The following REXO1 variants were observed in gnomAD, a reference collection of about 807,000 sequenced individuals.
REXO1 encodes RNA exonuclease 1 homolog.
REXO1 carries 42 observed loss-of-function variants against 102.6 expected under a neutral mutation model. That is an observed-to-expected ratio of 0.41 (90% confidence interval 0.32 to 0.53). REXO1 has a LOEUF of 0.53. Ranked by LOEUF, REXO1 falls within the 20% of genes least tolerant of loss-of-function variation. The pLI is 0.27. For synonymous variants in REXO1, 908 were observed against 779.1 expected, an observed-to-expected ratio of 1.17 and a Z score of -2.76; for missense variants, 1,819 against 1,732.5, an observed-to-expected ratio of 1.05 and a Z score of -0.89.
Position 1,828,283 on chromosome 19 carries a change from G to C in REXO1, c.506C>G (p.Pro169Arg). 6.2e-7 allele frequency: 1 copy of C among 1,607,074 alleles called. No individual in the cohort carries two copies. The highest frequency in any genetic ancestry group is 8.5e-7 in the Non-Finnish European group (1 of 1,176,774). Residue 169 changes from proline (P) to arginine (R), a missense_variant, in exon 2 of 16, where the codon CCA becomes CGA. Transcript: ENST00000170168. ...GCCCGGCTCGGCAGGGGCGGCCAGTGGGGTGGGCTGGTAGCCGGCATCAGG... is the reference window on the plus strand; with the variant it reads ...GCCCGGCTCGGCAGGGGCGGCCAGTCGGGTGGGCTGGTAGCCGGCATCAGG... ...LSPDAGYQPT[P>R]LAAPAEPGSK...
At chr19:1,841,299 G>C (rs2011264048) in intron 1 of REXO1, among the ~76,000 whole-genome samples, 1 of 152,252 alleles carries the variant, frequency 6.6e-6, no homozygotes, top group Admixed American at 6.5e-5. Context: ...TAAGGAACAA[G>C]CCACGGCCGG....
rs773533656 is a variant in REXO1, at chr19:1,834,934, C to G, written c.158-6303G>C. 14 of 423,400 alleles carry G rather than the reference C, an allele frequency of 3.3e-5. No homozygotes were observed. In the East Asian group the frequency reaches 7.7e-4, roughly 23 times the overall value. The allele number at this position is 423,400 out of a possible 1,614,324, so 26.2% of individuals were successfully genotyped here. On this transcript the variant is annotated intron_variant, in intron 1 of 15. Coordinates refer to ENST00000170168, the MANE Select transcript of REXO1 (RefSeq NM_020695.4). Reference sequence around the variant, plus strand: ...CCTCCCTGTGGTCACTGGGCTCCCCCACCCTGCAGCCTGTGACCCACTGGT... The same window carrying G: ...CCTCCCTGTGGTCACTGGGCTCCCCGACCCTGCAGCCTGTGACCCACTGGT...
chr19:1,815,583 G>C lies in REXO1; in HGVS notation c.*483C>G. ...CCCCCACCCCGCAGGAGGGAAGGCAGCAGGCCCGCTCTTCCCGGTGGGAAA... is the reference window on the plus strand; with the variant it reads ...CCCCCACCCCGCAGGAGGGAAGGCACCAGGCCCGCTCTTCCCGGTGGGAAA... On this transcript the variant is annotated 3_prime_UTR_variant, in exon 16 of 16. Transcript: ENST00000170168. The surrounding 1 kb of genome is among the most constrained non-coding windows in gnomAD (Gnocchi z 4.0). 1 of 839,712 alleles carries C rather than the reference G, an allele frequency of 1.2e-6. No individual in the cohort carries two copies. The highest frequency in any genetic ancestry group is 1.6e-6 in the Non-Finnish European group (1 of 639,968). 52.0% of individuals were successfully genotyped at this position (839,712 alleles called of 1,614,324 possible). A position where few individuals can be genotyped will look rare whatever the true frequency, so the allele number is the denominator to read the frequency against.
chr19:1,824,052 T>A (rs972132788), intron 3 of REXO1: 1 of 370,374 alleles, frequency 2.7e-6, no homozygotes, highest in African/African-American at 2.1e-5. Flanking sequence ...TGGGCGGGAC[T>A]ACCCCGATTA....
chr19:1,827,370 TGGGCCTCTGCCGGCCGCCGGTCG>T lies in REXO1; in HGVS notation c.1396_1418del (p.Arg466ThrfsTer54). ...TGTCGGGCAGCTGGAGGGGGCGGGG[TGGGCCTCTGCCGGCCGCCGGTCG>T]GGAGTCCCCGCTTGTGGGGCTCGGC... On this transcript the variant is annotated frameshift_variant, in exon 2 of 16. Transcript: ENST00000170168. LOFTEE classifies it high-confidence loss of function. 1 of 1,537,610 alleles carries T rather than the reference TGGGCCTCTGCCGGCCGCCGGTCG, an allele frequency of 6.5e-7. No individual in the cohort carries two copies. Among genetic ancestry groups the T allele is most frequent in the Non-Finnish European group, 8.7e-7 (1 of 1,148,232 alleles).
At chr19:1,816,930 G>A in intron 12 of REXO1, 117 bp from the exon 13 acceptor site, 1 of 822,722 alleles carries the variant, frequency 1.2e-6, no homozygotes, top group Non-Finnish European at 2.0e-6. Flanking sequence ...CAGAGACTCT[G>A]TGGGACTTCT....
In REXO1 at chr19:1,816,801, A is replaced by G. The variant is rs544903817; in HGVS notation, c.3214T>C (p.Tyr1072His). 1 of 1,610,488 alleles carries G rather than the reference A, an allele frequency of 6.2e-7. No individual in the cohort carries two copies. Among genetic ancestry groups the G allele is most frequent in the South Asian group, 1.1e-5 (1 of 91,032 alleles). Residue 1072 changes from tyrosine (Y) to histidine (H), a missense_variant, in exon 13 of 16, where the codon TAT (tyrosine) becomes CAT (histidine). Tyr to His is a moderately conservative substitution (Grantham distance 83). Coordinates refer to ENST00000170168, the MANE Select transcript of REXO1 (RefSeq NM_020695.4). ...GTGACGCGCGTCAGCTCCAGGCCAT[A>G]TGTGGTGTAGGACTGCGGGCAAGGG... is the stretch of plus-strand genomic sequence containing the variant. ...ALDCEMSYTT[Y>H]GLELTRVTVV...
intron 1 of REXO1, among the ~76,000 whole-genome samples, chr19:1,836,336 G>C (rs546331569): frequency 2.0e-5 from 3 of 152,274 alleles, no homozygotes; most frequent in African/African-American, 7.2e-5. Flanking sequence ...TCTTCTCTCA[G>C]TCAGCCCATT....
In REXO1 at chr19:1,815,717, G is replaced by GT. The variant is rs2069339473; in HGVS notation, c.*348dup. On this transcript the variant is annotated 3_prime_UTR_variant, in exon 16 of 16. Transcript: ENST00000170168. The surrounding 1 kb of genome is among the most constrained non-coding windows in gnomAD (Gnocchi z 4.0). ...GGGACAAGCCCGCCCCGCGACCCACGTGAGGAGCAGAGGTGCCGGCCACCA... is the reference window on the plus strand; with the variant it reads ...GGGACAAGCCCGCCCCGCGACCCACGTTGAGGAGCAGAGGTGCCGGCCACCA... 8.7e-6 allele frequency: 12 copies of GT among 1,378,582 alleles called. No homozygotes were observed. In the East Asian group the frequency reaches 3.4e-4, roughly 40 times the overall value. 85.4% of individuals were successfully genotyped at this position (1,378,582 alleles called of 1,614,324 possible).
At chr19:1,825,299 C>CAAAAAAAAAAAAA (rs34910037) in intron 3 of REXO1, among the ~76,000 whole-genome samples, 2 of 61,196 alleles carry the variant, frequency 3.3e-5, no homozygotes, top group Non-Finnish European at 5.5e-5. Context: ...GACTCCGTCT[C>CAAAAAAAAAAAAA]AAAAAAAAAA....
At position 1,815,811 on chromosome 19, in the gene REXO1, G is replaced by C; in HGVS notation, c.*255C>G. The C allele has an allele frequency of 6.7e-7, 1 of 1,499,268 alleles. No homozygotes were observed. Among genetic ancestry groups the C allele is most frequent in the Non-Finnish European group, 8.9e-7 (1 of 1,125,896 alleles). The allele number at this position is 1,499,268 out of a possible 1,614,324, so 92.9% of individuals were successfully genotyped here. On this transcript the variant is annotated 3_prime_UTR_variant, in exon 16 of 16. Transcript: ENST00000170168. This position sits in a 1 kb window ranked among gnomAD's most constrained non-coding sequence, Gnocchi z 4.0. The stretch of plus-strand genomic sequence containing the variant: ...GCCGGGTGGGGGCGGGCTCTGTCCT[G>C]GTCTCCATCAGCAGCAGTTTCTAGA...
chr19:1,837,936 G>A (rs148422008), intron 1 of REXO1, among the ~76,000 whole-genome samples: 83 of 152,344 alleles, frequency 5.4e-4, no homozygotes, highest in African/African-American at 1.8e-3. Flanking sequence ...GACTGGACGC[G>A]CTGCTGTCCC....
intron 6 of REXO1, 23 bp from the exon 7 acceptor site, chr19:1,820,080 C>T: frequency 6.3e-7 from 1 of 1,595,284 alleles, no homozygotes; most frequent in Non-Finnish European, 8.5e-7. Flanking sequence ...CGGTGCCCAG[C>T]TGAGGCCATG....
At chr19:1,837,961 G>C (rs35202074) in intron 1 of REXO1, among the ~76,000 whole-genome samples, 21 of 152,114 alleles carry the variant, frequency 1.4e-4, no homozygotes, top group Admixed American at 6.5e-4. Context: ...CTTACAGCTC[G>C]AGGCTAGGGG....
intron 1 of REXO1, among the ~76,000 whole-genome samples, chr19:1,843,093 G>C (rs2011366016): frequency 6.6e-6 from 1 of 152,158 alleles, no homozygotes; most frequent in African/African-American, 2.4e-5. Flanking sequence ...TAGGAGTGTG[G>C]GGGAGGGCTC....
intron 1 of REXO1, among the ~76,000 whole-genome samples, chr19:1,838,658 C>A (rs1327190766): frequency 7.7e-6 from 1 of 129,812 alleles, no homozygotes; most frequent in East Asian, 2.1e-4. Context: ...GGGCGAGACT[C>A]CTTTTCAAAA....
chr19:1,841,532 G>A (rs2011279957), intron 1 of REXO1, among the ~76,000 whole-genome samples: 1 of 152,224 alleles, frequency 6.6e-6, no homozygotes, highest in South Asian at 2.1e-4. Context: ...GAGGCAACAG[G>A]CTCAAGGGGG....
chr19:1,835,718 T>C (rs1036701149), intron 1 of REXO1, among the ~76,000 whole-genome samples: 11 of 152,132 alleles, frequency 7.2e-5, no homozygotes, highest in Admixed American at 5.9e-4. Context: ...ACATGGTGAA[T>C]TGGCTGACAG....
chr19:1,840,929 C>G (rs1006046907), intron 1 of REXO1, among the ~76,000 whole-genome samples: 24 of 152,342 alleles, frequency 1.6e-4, no homozygotes, highest in African/African-American at 5.8e-4. Context: ...CCTCCCCCAA[C>G]CACTCCTTTC....
Sources: allele counts gnomAD v4.1 joint callset (sites outside exome capture counted in the v4.1 genomes callset), GRCh38; gene constraint gnomAD v4.1.1; non-coding constraint Gnocchi (gnomAD v3.1); transcripts MANE v1.5; gene names NCBI Gene and HGNC (gene_info 2026-07-23, HGNC 2026-07-21).